Variants in RAI14 observed in about 807,000 individuals in gnomAD.
RAI14 encodes the protein ankycorbin.
A neutral mutation model predicts 115.4 loss-of-function variants in RAI14; 45 were observed. That is an observed-to-expected ratio of 0.39 (90% CI 0.31 to 0.50). The LOEUF is 0.50. Ranked by LOEUF, RAI14 falls within the 20% of genes least tolerant of loss-of-function variation. The pLI is 0.85. For synonymous variants in RAI14, 371 were observed against 415.4 expected, an observed-to-expected ratio of 0.89 and a Z score of 1.30; for missense variants, 939 against 1,131.2, an observed-to-expected ratio of 0.83 and a Z score of 2.44.
intron 3 of RAI14, among the ~76,000 whole-genome samples, chr5:34,774,221 G>A (rs1445163835): frequency 6.6e-6 from 1 of 151,718 alleles, no homozygotes; most frequent in African/African-American, 2.4e-5. Flanking sequence ...AGACATTGTG[G>A]CACCTCCCAT....
chr5:34,734,785 C>T (rs952198608), intron 2 of RAI14, among the ~76,000 whole-genome samples: 173 of 152,080 alleles, frequency 1.1e-3, no homozygotes, highest in African/African-American at 4.0e-3. Flanking sequence ...CCTCAGCTCC[C>T]GAGTAGCTGG....
intron 3 of RAI14, among the ~76,000 whole-genome samples, chr5:34,768,542 G>A (rs1323594369): frequency 1.3e-5 from 2 of 152,100 alleles, no homozygotes; most frequent in African/African-American, 2.4e-5. Flanking sequence ...AGTACAAATC[G>A]CCTGTTCTAC....
chr5:34,761,611 G>T (rs144943826), intron 3 of RAI14, among the ~76,000 whole-genome samples: 1 of 152,134 alleles, frequency 6.6e-6, no homozygotes, highest in East Asian at 1.9e-4. Context: ...CTGTCTCCCC[G>T]CTGTTTCTTC....
At chr5:34,749,346 G>C (rs1473989426) in intron 2 of RAI14, among the ~76,000 whole-genome samples, 1 of 152,188 alleles carries the variant, frequency 6.6e-6, no homozygotes, top group Non-Finnish European at 1.5e-5. Context: ...GGCTTATTCT[G>C]TGCCACTGGA....
intron 16 of RAI14, among the ~76,000 whole-genome samples, chr5:34,829,388 A>G (rs1757797213): frequency 6.6e-6 from 1 of 152,090 alleles, no homozygotes; most frequent in Non-Finnish European, 1.5e-5. Context: ...GGGTTTCACC[A>G]TGTTGTCCAG....
rs566613293 is a variant in RAI14 at position 34,699,005 on chromosome 5, G to A, written c.36+12050G>A. Among the ~76,000 whole-genome samples, 7 of 152,240 alleles carry A rather than the reference G, an allele frequency of 4.6e-5. No homozygotes were observed. The South Asian group carries it at 6.2e-4, about 14-fold the overall frequency. On this transcript the variant is annotated intron_variant, in intron 2 of 17. Transcript: ENST00000265109. Reference sequence around the variant, plus strand: ...TTGCACTGCCACACCCTGTCCTGCCGTGCCAGCCAAGTGTGAGTGCCCCTC... The same window carrying A: ...TTGCACTGCCACACCCTGTCCTGCCATGCCAGCCAAGTGTGAGTGCCCCTC...
At chr5:34,819,017 G>A (rs532617417) in intron 13 of RAI14, among the ~76,000 whole-genome samples, 166 bp downstream of exon 13, 44 of 151,952 alleles carry the variant, frequency 2.9e-4, no homozygotes, top group African/African-American at 1.1e-3. Flanking sequence ...TGTACTTCAG[G>A]GTGCCTTCTT....
intron 13 of RAI14, among the ~76,000 whole-genome samples, chr5:34,820,445 A>C (rs1349055318): frequency 6.6e-6 from 1 of 151,674 alleles, no homozygotes; most frequent in Non-Finnish European, 1.5e-5. Context: ...CTATTACATA[A>C]AATTATTGAG....
intron 1 of RAI14, among the ~76,000 whole-genome samples, chr5:34,671,216 C>T (rs1169128123): frequency 6.6e-6 from 1 of 152,110 alleles, no homozygotes; most frequent in Non-Finnish European, 1.5e-5. Context: ...GGTGAGAATA[C>T]AGGAGAGTCC....
intron 2 of RAI14, among the ~76,000 whole-genome samples, chr5:34,748,480 TCTC>T (rs1436446911): frequency 6.6e-6 from 1 of 152,230 alleles, no homozygotes; most frequent in Non-Finnish European, 1.5e-5. Flanking sequence ...TGTCTTTTCT[TCTC>T]TCCTTTAATT....
rs181041522 is a variant in RAI14, at chr5:34,707,453, C to T, written c.36+20498C>T. 1.3e-5 allele frequency among the ~76,000 whole-genome samples: 2 copies of T among 152,150 alleles called. 1 individual carries two copies. Among genetic ancestry groups the T allele is most frequent in the South Asian group, 4.1e-4 (2 of 4,828 alleles). ...ACTGCACTCCAGCCTGGCGACAGAG[C>T]GAGACTCCGTCTCAAAAAAAATGCT... On this transcript the variant is annotated intron_variant, in intron 2 of 17. Transcript: ENST00000265109.
intron 2 of RAI14, among the ~76,000 whole-genome samples, chr5:34,730,618 A>G (rs1012133471): frequency 2.0e-5 from 3 of 152,096 alleles, no homozygotes; most frequent in African/African-American, 4.8e-5. Context: ...AGAGGTTGCA[A>G]TGAGCCAAGA....
At chr5:34,746,838 A>G (rs187140775) in intron 2 of RAI14, among the ~76,000 whole-genome samples, 5 of 152,168 alleles carry the variant, frequency 3.3e-5, no homozygotes, top group African/African-American at 1.2e-4. Flanking sequence ...GAATTCTCAC[A>G]TGTTGTTGGA....
At chr5:34,789,712 G>A (rs1454664168) in intron 3 of RAI14, among the ~76,000 whole-genome samples, 1 of 152,150 alleles carries the variant, frequency 6.6e-6, no homozygotes, top group African/African-American at 2.4e-5. Flanking sequence ...TCTGTGCCAT[G>A]CTTTGTGTTG....
At chr5:34,780,873 T>G (rs1751527111) in intron 3 of RAI14, among the ~76,000 whole-genome samples, 1 of 152,190 alleles carries the variant, frequency 6.6e-6, no homozygotes, top group African/African-American at 2.4e-5. Flanking sequence ...TTACTGGGTA[T>G]ATACCCAAAG....
intron 2 of RAI14, among the ~76,000 whole-genome samples, chr5:34,719,375 C>T (rs60755147): frequency 0.032 from 4,866 of 152,292 alleles, 143 homozygotes; most frequent in East Asian, 0.099. Context: ...TACAGCATCG[C>T]TTCTGCCACC....
chr5:34,671,209 G>C (rs1389103581), intron 1 of RAI14, among the ~76,000 whole-genome samples: 2 of 152,138 alleles, frequency 1.3e-5, no homozygotes, highest in South Asian at 4.1e-4. Context: ...TAAAGGGGGT[G>C]AGAATACAGG....
In RAI14 at chr5:34,757,456, C is replaced by G; in HGVS notation, c.37-12C>G. 6.2e-7 allele frequency: 1 copy of G among 1,612,608 alleles called. No individual in the cohort carries two copies. Among genetic ancestry groups the G allele is most frequent in the Non-Finnish European group, 8.5e-7 (1 of 1,179,292 alleles). ...GTTGTTCATGACCTCTGTTTCTTCT[C>G]TTTCTCTACAGACCAATGAGTGGAA... On this transcript the variant is annotated splice_polypyrimidine_tract_variant and intron_variant, in intron 2 of 17. Transcript: ENST00000265109.
In RAI14 at chr5:34,821,627, G is replaced by A. The variant is rs1756840179; in HGVS notation, c.995-105G>A. 6 of 695,454 alleles carry A rather than the reference G, an allele frequency of 8.6e-6. No homozygotes were observed. In the Admixed American group the frequency reaches 1.5e-4, roughly 17 times the overall value. The allele number at this position is 695,454 out of a possible 1,614,324, so 43.1% of individuals were successfully genotyped here. On this transcript the variant is annotated intron_variant, in intron 13 of 17. Transcript: ENST00000265109. ...CAGCTGCTAGGGCGTTTTATAATTA[G>A]GGCCAGGAAGAAGAACTGGATTAGG... is the stretch of plus-strand genomic sequence containing the variant.
Sources: allele counts gnomAD v4.1 joint callset (sites outside exome capture counted in the v4.1 genomes callset), GRCh38; gene constraint gnomAD v4.1.1; transcripts MANE v1.5; gene names NCBI Gene and HGNC (gene_info 2026-07-23, HGNC 2026-07-21).